The following COL4A1 variants were observed in gnomAD, a reference collection of about 807,000 sequenced individuals.
COL4A1 encodes the protein collagen alpha-1(IV) chain.
In COL4A1, 40 loss-of-function variants were observed where a neutral mutation model predicts 216.6. The observed-to-expected ratio is 0.18, with a 90% confidence interval of 0.14 to 0.24. The LOEUF (loss-of-function observed/expected upper bound fraction) is 0.24. Among genes scored for constraint, COL4A1 ranks in the 10% least tolerant of loss-of-function variants. COL4A1 has a pLI of 1.00. For missense variants in COL4A1, 1,628 were observed against 2,196.8 expected (o/e 0.74, Z 5.18); for synonymous variants, 839 against 810.7 (o/e 1.03, Z -0.59).
chr13:110,230,706 G>A (rs748702124), intron 2 of COL4A1, among the ~76,000 whole-genome samples: 12 of 152,314 alleles, frequency 7.9e-5, no homozygotes, highest in South Asian at 4.1e-4. Context: ...TCACGCCAGC[G>A]TGCTGTTCCT....
At chr13:110,175,415 T>A in intron 36 of COL4A1, 58 bp from the exon 37 acceptor site, 1 of 1,607,850 alleles carries the variant, frequency 6.2e-7, no homozygotes, top group Non-Finnish European at 8.5e-7. Context: ...GTATTACAAA[T>A]GAAAAAGTGC....
At chr13:110,224,425 C>T (rs1478540293) in intron 2 of COL4A1, among the ~76,000 whole-genome samples, 3 of 152,164 alleles carry the variant, frequency 2.0e-5, no homozygotes, top group South Asian at 2.1e-4. Context: ...CAGGTTCAAG[C>T]GATTCTTGCG....
At chr13:110,209,844 G>T in intron 10 of COL4A1, 136 bp downstream of exon 10, 1 of 1,080,260 alleles carries the variant, frequency 9.3e-7, no homozygotes, top group Non-Finnish European at 1.4e-6. Flanking sequence ...TAGTAAGAGG[G>T]AAGCTGATTC....
At chr13:110,304,085 T>A (rs569074358) in intron 1 of COL4A1, among the ~76,000 whole-genome samples, 1 of 152,332 alleles carries the variant, frequency 6.6e-6, no homozygotes, top group African/African-American at 2.4e-5. Context: ...TCAGAGTACA[T>A]GAACATTGTG....
At chr13:110,171,947 G>A (rs58190374) in intron 41 of COL4A1, among the ~76,000 whole-genome samples, 2,749 of 152,336 alleles carry the variant, frequency 0.018, 89 homozygotes, top group African/African-American at 0.064. Flanking sequence ...GGTTCCCAGT[G>A]TCAGACTACA....
At chr13:110,228,920 C>T (rs946867978) in intron 2 of COL4A1, among the ~76,000 whole-genome samples, 3 of 152,124 alleles carry the variant, frequency 2.0e-5, no homozygotes, top group African/African-American at 4.8e-5. Context: ...GAAAATGTAA[C>T]AAAATTTCCC....
At chr13:110,254,808 A>G (rs1882438944) in intron 1 of COL4A1, among the ~76,000 whole-genome samples, 1 of 152,192 alleles carries the variant, frequency 6.6e-6, no homozygotes, top group Non-Finnish European at 1.5e-5. Flanking sequence ...TTCCTCTTCT[A>G]AAAAGCAGAC....
At chr13:110,230,193 G>T (rs1880961157) in intron 2 of COL4A1, among the ~76,000 whole-genome samples, 1 of 152,078 alleles carries the variant, frequency 6.6e-6, no homozygotes, top group African/African-American at 2.4e-5. Context: ...CGTGGTGTGG[G>T]TGTGCACGGT....
intron 49 of COL4A1, 134 bp from the exon 50 acceptor site, chr13:110,155,531 T>C (rs1446050367): frequency 1.9e-5 from 14 of 719,180 alleles, no homozygotes; most frequent in South Asian, 1.0e-4. Context: ...GTAGAAAACA[T>C]TGTGCCCATT....
intron 28 of COL4A1, among the ~76,000 whole-genome samples, chr13:110,182,126 T>G (rs1020689789): frequency 5.9e-5 from 9 of 152,052 alleles, no homozygotes; most frequent in Admixed American, 2.6e-4. Context: ...GAGGGAGTTG[T>G]GAGTGTGACG....
intron 15 of COL4A1, among the ~76,000 whole-genome samples, chr13:110,205,807 G>A (rs954090809): frequency 1.3e-5 from 2 of 150,018 alleles, no homozygotes; most frequent in Non-Finnish European, 3.0e-5. Flanking sequence ...AGGTTGCAGT[G>A]AGCCGAGATC....
At chr13:110,179,655 A>G (rs1878059950) in intron 29 of COL4A1, among the ~76,000 whole-genome samples, 1 of 152,168 alleles carries the variant, frequency 6.6e-6, no homozygotes, top group African/African-American at 2.4e-5. Context: ...ACAAAGGAGG[A>G]AAAGCAAGGC....
At chr13:110,218,962 G>C (rs535128884) in intron 2 of COL4A1, among the ~76,000 whole-genome samples, 10 of 152,324 alleles carry the variant, frequency 6.6e-5, no homozygotes, top group Admixed American at 5.2e-4. Flanking sequence ...AACTCTTTCC[G>C]AAATTCCACA....
chr13:110,218,451 C>T (rs1056621981), intron 2 of COL4A1, among the ~76,000 whole-genome samples: 6 of 152,156 alleles, frequency 3.9e-5, no homozygotes, highest in Non-Finnish European at 8.8e-5. Context: ...CCAAGGGAAA[C>T]AAGCAATGCT....
At chr13:110,253,764 G>A (rs666351) in intron 1 of COL4A1, among the ~76,000 whole-genome samples, 72,761 of 121,502 alleles carry the variant, frequency 0.6, 20,395 homozygotes, top group East Asian at 0.71. Context: ...ATAATTATAC[G>A]TATGTATGTA....
intron 2 of COL4A1, among the ~76,000 whole-genome samples, chr13:110,219,707 CATAT>C (rs1880305981): frequency 2.7e-5 from 1 of 37,198 alleles, no homozygotes; most frequent in African/African-American, 7.1e-5. Flanking sequence ...TATGTATATA[CATAT>C]GTGTATATAT....
intron 48 of COL4A1, chr13:110,162,003 A>G (rs1363749081): frequency 1.6e-6 from 1 of 613,038 alleles, no homozygotes; most frequent in East Asian, 2.7e-5. Flanking sequence ...TTCAGTCTCC[A>G]CATTTCTTGG....
chr13:110,252,906 G>T (rs1230436704), intron 1 of COL4A1, among the ~76,000 whole-genome samples: 3 of 14,286 alleles, frequency 2.1e-4, no homozygotes, highest in Admixed American at 1.3e-3. Context: ...TACATATACA[G>T]ATAACTATAA....
At chr13:110,185,750 G>T (rs888192121) in intron 26 of COL4A1, among the ~76,000 whole-genome samples, 5 of 152,200 alleles carry the variant, frequency 3.3e-5, no homozygotes, top group African/African-American at 1.2e-4. Flanking sequence ...CAAGTCGTGG[G>T]AGAGGAGAAC....
Sources: gnomAD v4.1 joint callset for allele counts (sites outside exome capture counted in the v4.1 genomes callset) on GRCh38, gnomAD v4.1.1 for gene constraint, MANE v1.5 for transcripts, NCBI Gene and HGNC (gene_info 2026-07-23, HGNC 2026-07-21) for gene names.